The following TRPM1 variants were observed in gnomAD, a reference collection of about 807,000 sequenced individuals.
TRPM1 encodes TRPM1-203 APA Isoform, Intron 10.
In TRPM1, 113 loss-of-function variants were observed where a neutral mutation model predicts 149.4. The observed-to-expected ratio is 0.76, with a 90% CI of 0.65 to 0.88. The LOEUF (loss-of-function observed/expected upper bound fraction) is 0.88. Ranked by LOEUF, TRPM1 falls within the 40% of genes least tolerant of loss-of-function variation. TRPM1 has a pLI of 0.00. For synonymous variants in TRPM1, 741 were observed against 759.5 expected (o/e 0.98, Z 0.40); for missense variants, 1,976 against 2,038.7 (o/e 0.97, Z 0.59).
intron 8 of TRPM1, 180 bp from the exon 9 acceptor site, chr15:31,062,882 G>A: frequency 1.0e-6 from 1 of 982,268 alleles, no homozygotes; most frequent in Middle Eastern, 2.7e-4. Context: ...CAGCTTTGTT[G>A]CAAACTTTCT....
intron 2 of TRPM1, among the ~76,000 whole-genome samples, chr15:31,078,007 G>C (rs1403350232): frequency 1.4e-4 from 21 of 152,114 alleles, no homozygotes; most frequent in Admixed American, 1.4e-3. Flanking sequence ...GGGAGCTTGT[G>C]GGGTGCTTGC....
At chr15:31,154,829 G>A (rs568679159) in intron 1 of TRPM1, among the ~76,000 whole-genome samples, 2 of 152,042 alleles carry the variant, frequency 1.3e-5, no homozygotes, top group African/African-American at 2.4e-5. Flanking sequence ...ATCTGATCTT[G>A]TGACCCCCAC....
intron 1 of TRPM1, among the ~76,000 whole-genome samples, chr15:31,154,651 G>A (rs1358115229): frequency 6.6e-6 from 1 of 152,138 alleles, no homozygotes; most frequent in Non-Finnish European, 1.5e-5. Flanking sequence ...TGCCTTTGTA[G>A]GACTAACATT....
chr15:31,072,879 TTTAA>T (rs927323749), intron 3 of TRPM1, among the ~76,000 whole-genome samples: 1 of 152,170 alleles, frequency 6.6e-6, no homozygotes, highest in African/African-American at 2.4e-5. Context: ...TTTATTTTTT[TTTAA>T]TTATTGGATC....
chr15:31,014,115 C>T (rs1309372752), intron 27 of TRPM1, among the ~76,000 whole-genome samples: 1 of 152,138 alleles, frequency 6.6e-6, no homozygotes, highest in African/African-American at 2.4e-5. Flanking sequence ...TTCTAAATTC[C>T]CAGGAATGTG....
At chr15:31,071,412 C>T (rs886119339) in intron 3 of TRPM1, among the ~76,000 whole-genome samples, 9 of 152,124 alleles carry the variant, frequency 5.9e-5, no homozygotes, top group Non-Finnish European at 1.2e-4. Flanking sequence ...AATGCGTGCA[C>T]GTGTGTAATG....
chr15:31,045,194 G>A (rs187400505), intron 16 of TRPM1, among the ~76,000 whole-genome samples: 35 of 152,184 alleles, frequency 2.3e-4, no homozygotes, highest in East Asian at 5.8e-4. Context: ...AATGAAAGCC[G>A]TCTACACTGA....
intron 11 of TRPM1, among the ~76,000 whole-genome samples, chr15:31,055,411 G>A (rs2034054847): frequency 6.6e-6 from 1 of 152,154 alleles, no homozygotes; most frequent in Admixed American, 6.5e-5. Flanking sequence ...TGGAGAGGAA[G>A]CCAAAGCCCA....
intron 1 of TRPM1, among the ~76,000 whole-genome samples, chr15:31,112,798 T>G (rs1327099507): frequency 6.6e-6 from 1 of 152,184 alleles, no homozygotes; most frequent in Non-Finnish European, 1.5e-5. Context: ...TCTTGGAGAT[T>G]CACAATGCAT....
At chr15:31,108,159 AT>A (rs61687897) in intron 1 of TRPM1, among the ~76,000 whole-genome samples, 93,970 of 151,600 alleles carry the variant, frequency 0.62, 29,259 homozygotes, top group East Asian at 0.74. Context: ...CGCCTGTCCA[AT>A]TTTTTTTTCT....
Position 31,040,441 on chromosome 15 carries a change from A to T in TRPM1, c.2088-95T>A. 2.0e-6 allele frequency: 2 copies of T among 1,017,762 alleles called. No individual in the cohort carries two copies. Among genetic ancestry groups the T allele is most frequent in the Non-Finnish European group, 3.1e-6 (2 of 655,482 alleles). The allele number at this position is 1,017,762 out of a possible 1,614,324, so 63.0% of individuals were successfully genotyped here. ...CACCAAGGACTTATGGAGCCACGGG[A>T]CACAGTATCCTTCACTGGAGGGGCT... On this transcript the variant is annotated intron_variant, in intron 17 of 27. Coordinates refer to ENST00000256552, the MANE Select transcript of TRPM1 (RefSeq NM_001252024.2). The surrounding 1 kb of genome is among the most constrained non-coding windows in gnomAD (Gnocchi z 4.2).
rs779844147 is a variant in TRPM1, at chr15:31,002,352, T to C, written c.4348A>G (p.Thr1450Ala). Residue 1450 changes from threonine to alanine, a missense_variant, in exon 28 of 28, where the codon ACG becomes GCG. This residue lies in a region of TRPM1 where 572 missense variants were observed against 578.9 expected (regional missense o/e 0.99). Transcript: ENST00000256552. The part of the protein sequence containing the change: ...TKITRYFPDE[T>A]INACKTMKSR... ...TTCATTGTTTTACAAGCATTGATCG[T>C]TTCATCGGGGAAATAGCGTGTAATT... 64 of 1,614,100 alleles carry C rather than the reference T, an allele frequency of 4.0e-5. No individual in the cohort carries two copies. Among genetic ancestry groups the C allele is most frequent in the Non-Finnish European group, 5.3e-5 (62 of 1,180,044 alleles).
intron 11 of TRPM1, among the ~76,000 whole-genome samples, chr15:31,054,511 TC>T (rs1297490306): frequency 6.6e-6 from 1 of 152,140 alleles, no homozygotes; most frequent in Non-Finnish European, 1.5e-5. Flanking sequence ...GCCAGGCTTG[TC>T]TCAAACTCCT....
At chr15:31,087,791 C>T (rs1001264220) in intron 1 of TRPM1, among the ~76,000 whole-genome samples, 4 of 152,020 alleles carry the variant, frequency 2.6e-5, no homozygotes, top group East Asian at 1.9e-4. Context: ...GTGTGATGTG[C>T]GGTACCAAGA....
intron 22 of TRPM1, 151 bp from the exon 23 acceptor site, chr15:31,031,308 G>A: frequency 1.2e-6 from 1 of 833,302 alleles, no homozygotes; most frequent in Non-Finnish European, 1.9e-6. Flanking sequence ...CCATCCCTGG[G>A]AAGGCTTTTT....
Position 31,077,023 on chromosome 15 carries a change from T to C in TRPM1, c.4-39A>G, listed in dbSNP as rs1315353888. 3.1e-6 allele frequency: 4 copies of C among 1,305,992 alleles called. No individual in the cohort carries two copies. In the African/African-American group the frequency reaches 5.8e-5, roughly 19 times the overall value. 80.9% of individuals were successfully genotyped at this position (1,305,992 alleles called of 1,614,324 possible). ...AGAAGTGGATATTGGACCAATACAT[T>C]CCCAAGCCATCATCAGAGTCCATTC... On this transcript the variant is annotated intron_variant, in intron 2 of 27. Transcript: ENST00000256552.
At chr15:31,012,759 G>C (rs1184611613) in intron 27 of TRPM1, among the ~76,000 whole-genome samples, 1 of 151,996 alleles carries the variant, frequency 6.6e-6, no homozygotes, top group African/African-American at 2.4e-5. Context: ...TGTTCTGCTG[G>C]ATGGTGTTCT....
chr15:31,029,426 G>C (rs774695122), intron 23 of TRPM1, 35 bp from the exon 24 acceptor site: 1 of 1,612,312 alleles, frequency 6.2e-7, no homozygotes, highest in South Asian at 1.1e-5. Flanking sequence ...TTTTTGTTTT[G>C]TTTTGTTTTG....
chr15:31,079,773 C>A (rs12910328), intron 2 of TRPM1, among the ~76,000 whole-genome samples: 1 of 152,162 alleles, frequency 6.6e-6, no homozygotes, highest in Non-Finnish European at 1.5e-5. Context: ...CCTTAATGGG[C>A]TTCACAATAA....
Sources: gnomAD v4.1 joint callset for allele counts (sites outside exome capture counted in the v4.1 genomes callset) on GRCh38, gnomAD v4.1.1 for gene constraint, gnomAD v4.1.1 regional missense constraint, Gnocchi (gnomAD v3.1) non-coding constraint, MANE v1.5 for transcripts, NCBI Gene and HGNC (gene_info 2026-07-23, HGNC 2026-07-21) for gene names.